TOX: variants seen among roughly 807,000 people sequenced by gnomAD.
TOX encodes thymocyte selection associated high mobility group box, also known as thymocyte selection-associated high mobility group box protein TOX.
A neutral mutation model predicts 53.7 loss-of-function variants in TOX; 11 were observed. The ratio of observed to expected loss-of-function variants is 0.20; its 90% CI spans 0.13 to 0.34. The LOEUF is 0.34. TOX is among the 10% of genes least tolerant of loss of function. The pLI, the probability that TOX is intolerant of heterozygous loss-of-function variation, is 1.00. For synonymous variants in TOX, 225 were observed against 245.3 expected (o/e 0.92, Z 0.77); for missense variants, 570 against 664.6 (o/e 0.86, Z 1.56).
intron 1 of TOX, among the ~76,000 whole-genome samples, chr8:58,994,417 T>TGC (rs1491025343): frequency 1.0e-4 from 14 of 139,816 alleles, no homozygotes; most frequent in African/African-American, 4.2e-4. Context: ...TGTGTGTGTG[T>TGC]GTGCGCGCGC....
At chr8:58,998,124 G>A (rs979793952) in intron 1 of TOX, among the ~76,000 whole-genome samples, 1 of 151,962 alleles carries the variant, frequency 6.6e-6, no homozygotes, top group African/African-American at 2.4e-5. Context: ...TTTTTCTCAT[G>A]TTAATGTCAG....
intron 1 of TOX, among the ~76,000 whole-genome samples, chr8:59,102,743 A>C (rs1804827772): frequency 6.6e-6 from 1 of 152,194 alleles, no homozygotes; most frequent in South Asian, 2.1e-4. Flanking sequence ...AATCTTGAAA[A>C]TAGTATCAAT....
intron 1 of TOX, among the ~76,000 whole-genome samples, chr8:58,976,592 A>G (rs917823465): frequency 1.3e-5 from 2 of 152,238 alleles, no homozygotes; most frequent in African/African-American, 2.4e-5. Flanking sequence ...TGGTAAAATC[A>G]TCTCCAGAAG....
intron 1 of TOX, among the ~76,000 whole-genome samples, chr8:59,079,885 G>A (rs2129423087): frequency 6.6e-6 from 1 of 152,298 alleles, no homozygotes; most frequent in Non-Finnish European, 1.5e-5. Flanking sequence ...GCTTAGCCCT[G>A]CAAAGCCACA....
intron 1 of TOX, among the ~76,000 whole-genome samples, chr8:59,011,896 T>C (rs148490463): frequency 1.8e-4 from 28 of 152,278 alleles, no homozygotes; most frequent in Admixed American, 1.2e-3. Flanking sequence ...CAATGCCACA[T>C]CATGGGGACA....
intron 6 of TOX, 149 bp downstream of exon 6, chr8:58,826,673 T>C (rs1563363490): frequency 7.0e-6 from 4 of 574,862 alleles, no homozygotes; most frequent in Admixed American, 3.9e-5. Context: ...TATTTCCATA[T>C]CGTATAGCTT....
chr8:58,854,390 A>G (rs1810876456), intron 3 of TOX, among the ~76,000 whole-genome samples: 1 of 152,090 alleles, frequency 6.6e-6, no homozygotes, highest in Admixed American at 6.6e-5. Flanking sequence ...AGTGTTCCAA[A>G]AGCTTGAAGC....
At chr8:59,047,239 C>T (rs1169151103) in intron 1 of TOX, among the ~76,000 whole-genome samples, 23 of 96,280 alleles carry the variant, frequency 2.4e-4, no homozygotes, top group Admixed American at 1.1e-3. Context: ...TTTTTTGAGA[C>T]GGAGTCTCGC....
At chr8:59,005,435 A>C (rs1813773882) in intron 1 of TOX, among the ~76,000 whole-genome samples, 1 of 152,210 alleles carries the variant, frequency 6.6e-6, no homozygotes, top group Non-Finnish European at 1.5e-5. Context: ...AAATAGAGCT[A>C]AAAGGGAGGT....
chr8:58,915,761 G>A (rs192293216), intron 3 of TOX, among the ~76,000 whole-genome samples: 67 of 151,900 alleles, frequency 4.4e-4, no homozygotes, highest in African/African-American at 1.3e-3. Context: ...TCTGAACTAC[G>A]GGAGGACATT....
chr8:58,942,752 G>T (rs956969911), intron 2 of TOX, among the ~76,000 whole-genome samples: 5 of 152,006 alleles, frequency 3.3e-5, no homozygotes, highest in Non-Finnish European at 5.9e-5. Context: ...TGCAGTTTTG[G>T]GGGATGTTAT....
At chr8:58,931,205 A>C (rs1178381840) in intron 3 of TOX, among the ~76,000 whole-genome samples, 1 of 152,144 alleles carries the variant, frequency 6.6e-6, no homozygotes, top group Non-Finnish European at 1.5e-5. Flanking sequence ...GCTATTAAGG[A>C]CCCTATCATA....
At chr8:58,887,570 C>A (rs1331044412) in intron 3 of TOX, among the ~76,000 whole-genome samples, 2 of 151,846 alleles carry the variant, frequency 1.3e-5, no homozygotes, top group East Asian at 3.8e-4. Flanking sequence ...TCTTATGAGT[C>A]CATTAATTCT....
chr8:58,971,941 T>C (rs1813010538), intron 1 of TOX, among the ~76,000 whole-genome samples: 2 of 152,196 alleles, frequency 1.3e-5, no homozygotes, highest in African/African-American at 2.4e-5. Flanking sequence ...TCCACCTGCC[T>C]TGGCCTCCCA....
At chr8:58,875,179 T>G (rs1264565127) in intron 3 of TOX, among the ~76,000 whole-genome samples, 8 of 152,230 alleles carry the variant, frequency 5.3e-5, no homozygotes, top group Admixed American at 4.6e-4. Context: ...CTGCTTCTGC[T>G]TCACATGTGG....
chr8:59,060,054 C>A (rs944093222), intron 1 of TOX, among the ~76,000 whole-genome samples: 1 of 151,984 alleles, frequency 6.6e-6, no homozygotes, highest in Non-Finnish European at 1.5e-5. Flanking sequence ...ACAAATAAAG[C>A]ATTTATTCTT....
chr8:58,926,184 G>A lies in TOX; in HGVS notation c.411+13118C>T, dbSNP rs1812156846. ...AGAGTGGCTTCCCAGCGAGTTTTTG[G>A]CCTCATGAGGGGATCTCCACAACCC... On this transcript the variant is annotated intron_variant, in intron 3 of 8. Coordinates refer to ENST00000361421, the MANE Select transcript of TOX (RefSeq NM_014729.3). 2.0e-5 allele frequency among the ~76,000 whole-genome samples: 3 copies of A among 152,114 alleles called. No homozygotes were observed. In the South Asian group the frequency reaches 6.2e-4, roughly 32 times the overall value.
intron 3 of TOX, among the ~76,000 whole-genome samples, chr8:58,863,802 G>A (rs1039422237): frequency 1.3e-5 from 2 of 152,054 alleles, no homozygotes; most frequent in African/African-American, 4.8e-5. Flanking sequence ...AAAGACAGAT[G>A]AGACTATCCC....
chr8:58,832,252 C>A (rs984938730), intron 5 of TOX, among the ~76,000 whole-genome samples: 1 of 149,642 alleles, frequency 6.7e-6, no homozygotes, highest in Non-Finnish European at 1.5e-5. Context: ...AGTATGCTCA[C>A]CATTTCATAT....
Sources: allele counts gnomAD v4.1 joint callset (sites outside exome capture counted in the v4.1 genomes callset), GRCh38; gene constraint gnomAD v4.1.1; transcripts MANE v1.5; gene names NCBI Gene and HGNC (gene_info 2026-07-23, HGNC 2026-07-21).